DLG2: variants seen among roughly 807,000 people sequenced by gnomAD.
The protein encoded by DLG2 is discs large MAGUK scaffold protein 2.
DLG2 carries 45 observed loss-of-function variants against 132.5 expected under a neutral mutation model. The ratio of observed to expected loss-of-function variants is 0.34; its 90% confidence interval spans 0.27 to 0.44. The LOEUF is 0.44. Among genes scored for constraint, DLG2 ranks in the 20% least tolerant of loss-of-function variants. The pLI, the probability that DLG2 is intolerant of heterozygous loss-of-function variation, is 1.00. For missense variants in DLG2, 1,045 were observed against 1,196.9 expected, an observed-to-expected ratio of 0.87 and a Z score of 1.87; for synonymous variants, 424 against 419.6, an observed-to-expected ratio of 1.01 and a Z score of -0.13.
At chr11:85,121,438 A>G (rs887520519) in intron 5 of DLG2, among the ~76,000 whole-genome samples, 8 of 151,838 alleles carry the variant, frequency 5.3e-5, no homozygotes, top group African/African-American at 1.9e-4. Flanking sequence ...CCCAAAAAAT[A>G]CCATGCTATA....
At chr11:84,052,687 CAAAAA>C (rs67140653) in intron 11 of DLG2, among the ~76,000 whole-genome samples, 18 of 125,268 alleles carry the variant, frequency 1.4e-4, no homozygotes, top group South Asian at 2.5e-4. Flanking sequence ...ATTAAAAAGT[CAAAAA>C]AAAAAAAAAA....
At chr11:84,736,263 G>C (rs2063817281) in intron 6 of DLG2, among the ~76,000 whole-genome samples, 1 of 151,024 alleles carries the variant, frequency 6.6e-6, no homozygotes, top group Non-Finnish European at 1.5e-5. Flanking sequence ...CTATATTTTG[G>C]TTACTGCAGC....
intron 6 of DLG2, among the ~76,000 whole-genome samples, chr11:85,063,810 T>G (rs2064467941): frequency 6.6e-6 from 1 of 151,804 alleles, no homozygotes; most frequent in African/African-American, 2.4e-5. Context: ...TGTGGGATAA[T>G]TTATATCAAA....
intron 11 of DLG2, among the ~76,000 whole-genome samples, chr11:84,037,550 G>A (rs942956393): frequency 6.6e-6 from 1 of 152,028 alleles, no homozygotes; most frequent in Non-Finnish European, 1.5e-5. Context: ...AGACAGTTCT[G>A]ATTAAAGGAT....
intron 7 of DLG2, among the ~76,000 whole-genome samples, chr11:84,380,469 A>G (rs2098745462): frequency 6.6e-6 from 1 of 152,082 alleles, no homozygotes. Context: ...GAAAACATAT[A>G]TATTTTTAAA....
chr11:83,678,463 A>G (rs1480285396), intron 18 of DLG2, among the ~76,000 whole-genome samples: 2 of 152,162 alleles, frequency 1.3e-5, no homozygotes, highest in Non-Finnish European at 2.9e-5. Flanking sequence ...CCTTTCATGC[A>G]GATGTGTGGA....
intron 4 of DLG2, among the ~76,000 whole-genome samples, chr11:85,214,972 G>T (rs754319879): frequency 1.3e-5 from 2 of 152,018 alleles, no homozygotes; most frequent in Non-Finnish European, 2.9e-5. Context: ...GTCAGATCTG[G>T]CCCCAAATAT....
chr11:84,298,419 A>G (rs1266332924), intron 7 of DLG2, among the ~76,000 whole-genome samples: 3 of 152,254 alleles, frequency 2.0e-5, no homozygotes, highest in South Asian at 2.1e-4. Flanking sequence ...CAGAGACCCA[A>G]TCACAGTGTT....
intron 7 of DLG2, among the ~76,000 whole-genome samples, chr11:84,404,676 TA>T (rs1175593345): frequency 1.3e-5 from 2 of 152,142 alleles, no homozygotes; most frequent in African/African-American, 4.8e-5. Context: ...CACCATGCTG[TA>T]AACTCCCTGA....
chr11:84,482,473 T>A (rs1035850866), intron 7 of DLG2, among the ~76,000 whole-genome samples: 7 of 152,226 alleles, frequency 4.6e-5, no homozygotes, highest in African/African-American at 1.7e-4. Context: ...ATTGATTATG[T>A]CAGTTAATAA....
chr11:84,189,378 G>A (rs2096356062), intron 8 of DLG2, among the ~76,000 whole-genome samples: 2 of 152,160 alleles, frequency 1.3e-5, no homozygotes, highest in South Asian at 4.1e-4. Flanking sequence ...ACTATTGGTG[G>A]GAGTGTAAAT....
intron 3 of DLG2, among the ~76,000 whole-genome samples, chr11:85,480,803 T>C (rs577944636): frequency 6.6e-6 from 1 of 152,322 alleles, no homozygotes; most frequent in Admixed American, 6.5e-5. Context: ...GTTCTGTCTT[T>C]TTCAGCTGCA....
At chr11:85,519,511 G>C (rs1192856544) in intron 3 of DLG2, among the ~76,000 whole-genome samples, 1 of 152,160 alleles carries the variant, frequency 6.6e-6, no homozygotes, top group Non-Finnish European at 1.5e-5. Flanking sequence ...CTGTACCCCT[G>C]TTGTGTCTAC....
intron 17 of DLG2, among the ~76,000 whole-genome samples, chr11:83,827,298 G>A (rs2053136534): frequency 6.6e-6 from 1 of 152,128 alleles, no homozygotes; most frequent in Non-Finnish European, 1.5e-5. Context: ...ATGGAGAATA[G>A]TCTGTATAGT....
intron 6 of DLG2, among the ~76,000 whole-genome samples, chr11:84,908,478 C>T (rs545170991): frequency 3.3e-4 from 50 of 152,196 alleles, no homozygotes; most frequent in African/African-American, 1.1e-3. Flanking sequence ...TGCTGGATAG[C>T]CCTAGGGACA....
intron 3 of DLG2, among the ~76,000 whole-genome samples, chr11:85,477,755 G>T (rs955333668): frequency 6.6e-6 from 1 of 152,088 alleles, no homozygotes; most frequent in Non-Finnish European, 1.5e-5. Context: ...AGAGTAACAT[G>T]GAAGATATTT....
chr11:85,601,648 T>C (rs2080170405), intron 2 of DLG2, among the ~76,000 whole-genome samples: 2 of 152,168 alleles, frequency 1.3e-5, no homozygotes, highest in Non-Finnish European at 2.9e-5. Flanking sequence ...TTTAACATTT[T>C]TGAAATGGCT....
intron 3 of DLG2, among the ~76,000 whole-genome samples, chr11:85,496,033 T>C (rs2093661100): frequency 6.6e-6 from 1 of 152,082 alleles, no homozygotes; most frequent in Non-Finnish European, 1.5e-5. Flanking sequence ...ACCTGATTCA[T>C]CTCATTGGGA....
intron 19 of DLG2, among the ~76,000 whole-genome samples, chr11:83,623,014 A>G (rs2061871827): frequency 6.6e-6 from 1 of 152,170 alleles, no homozygotes; most frequent in Admixed American, 6.5e-5. Flanking sequence ...AAAGCTGTCA[A>G]TGGGGTGTTG....
Sources: gnomAD v4.1 joint callset for allele counts (sites outside exome capture counted in the v4.1 genomes callset) on GRCh38, gnomAD v4.1.1 for gene constraint, MANE v1.5 for transcripts, NCBI Gene and HGNC (gene_info 2026-07-23, HGNC 2026-07-21) for gene names.